Variants in FUT9 observed in about 807,000 individuals in gnomAD.
FUT9 encodes fucosyltransferase 9.
A neutral mutation model predicts 29.7 loss-of-function variants in FUT9; 15 were observed. That is an observed-to-expected ratio of 0.51 (90% CI 0.34 to 0.78). FUT9 has a LOEUF of 0.78. FUT9 is among the 30% of genes least tolerant of loss of function. The pLI, the probability that FUT9 is intolerant of heterozygous loss-of-function variation, is 0.01. For missense variants in FUT9, 319 were observed against 425.4 expected, an observed-to-expected ratio of 0.75 and a Z score of 2.20; for synonymous variants, 169 against 153.7, an observed-to-expected ratio of 1.10 and a Z score of -0.74.
intron 1 of FUT9, chr6:96,020,859 G>C (rs1437961917): frequency 6.6e-6 from 1 of 152,126 alleles, no homozygotes; most frequent in African/African-American, 2.4e-5. Context: ...ATTTGGATGA[G>C]AGGAAAACTA....
chr6:96,131,280 T>A (rs1396274914), intron 2 of FUT9, among the ~76,000 whole-genome samples: 1 of 152,154 alleles, frequency 6.6e-6, no homozygotes, highest in African/African-American at 2.4e-5. Flanking sequence ...AAAATTCAAC[T>A]ATCTAGCATT....
chr6:96,145,432 G>A (rs925467822), intron 2 of FUT9, among the ~76,000 whole-genome samples: 1 of 152,182 alleles, frequency 6.6e-6, no homozygotes, highest in Admixed American at 6.5e-5. Context: ...TTCAGGCACA[G>A]AGGATACAGC....
intron 2 of FUT9, among the ~76,000 whole-genome samples, chr6:96,138,721 T>C (rs1562139182): frequency 6.6e-6 from 1 of 152,194 alleles, no homozygotes; most frequent in Non-Finnish European, 1.5e-5. Flanking sequence ...TTCCTTTCTG[T>C]CTAACTCTTA....
At chr6:96,155,568 G>C (rs1399570977) in intron 2 of FUT9, among the ~76,000 whole-genome samples, 1 of 152,042 alleles carries the variant, frequency 6.6e-6, no homozygotes, top group Non-Finnish European at 1.5e-5. Flanking sequence ...AGCTGCTTGG[G>C]AGGCTGAGGA....
intron 2 of FUT9, among the ~76,000 whole-genome samples, chr6:96,150,673 G>C (rs11752052): frequency 1.3e-5 from 2 of 152,178 alleles, no homozygotes; most frequent in Non-Finnish European, 2.9e-5. Context: ...AGTTGCAGTA[G>C]AGACTAATCC....
At chr6:96,147,920 T>G (rs4361623) in intron 2 of FUT9, among the ~76,000 whole-genome samples, 137,946 of 150,956 alleles carry the variant, frequency 0.91, 64,327 homozygotes, top group Non-Finnish European at 1. Flanking sequence ...ATTTGATATG[T>G]TTCTGCATCA....
chr6:96,041,631 T>G (rs1162448607), intron 1 of FUT9, among the ~76,000 whole-genome samples: 1 of 152,182 alleles, frequency 6.6e-6, no homozygotes, highest in Non-Finnish European at 1.5e-5. Context: ...ATTTAGCTGT[T>G]CTGGACACTA....
At chr6:96,064,945 T>C (rs1770938316) in intron 1 of FUT9, among the ~76,000 whole-genome samples, 1 of 152,192 alleles carries the variant, frequency 6.6e-6, no homozygotes. Flanking sequence ...CATCTCAAAA[T>C]ATGTTCTTAG....
chr6:96,077,961 T>G (rs764206409), intron 1 of FUT9, among the ~76,000 whole-genome samples: 3 of 152,238 alleles, frequency 2.0e-5, no homozygotes, highest in African/African-American at 7.2e-5. Flanking sequence ...TGCTGCACAC[T>G]GTAAGAGTTT....
chr6:96,081,327 C>T (rs991092968), intron 1 of FUT9, among the ~76,000 whole-genome samples: 2 of 151,648 alleles, frequency 1.3e-5, no homozygotes, highest in Non-Finnish European at 3.0e-5. Context: ...AACACACACC[C>T]TTCTTGGATA....
chr6:96,170,504 A>G (rs1773092024), intron 2 of FUT9, among the ~76,000 whole-genome samples: 1 of 151,896 alleles, frequency 6.6e-6, no homozygotes, highest in Non-Finnish European at 1.5e-5. Flanking sequence ...AAGAATAGCC[A>G]ATGAACTAGT....
intron 1 of FUT9, among the ~76,000 whole-genome samples, chr6:96,060,884 C>G (rs1056199324): frequency 5.3e-5 from 8 of 152,036 alleles, no homozygotes; most frequent in African/African-American, 1.9e-4. Context: ...ACATTTACAG[C>G]ATTTAAAGGA....
In FUT9 at chr6:96,207,060, A is replaced by G. The variant is rs1044085633; in HGVS notation, c.*2825A>G. 3.0e-5 allele frequency: 5 copies of G among 167,020 alleles called. No individual in the cohort carries two copies. Among genetic ancestry groups the G allele is most frequent in the African/African-American group, 9.7e-5 (4 of 41,450 alleles). 10.3% of individuals were successfully genotyped at this position (167,020 alleles called of 1,614,324 possible). A position where few individuals can be genotyped will look rare whatever the true frequency, so the allele number is the denominator to read the frequency against. On this transcript the variant is annotated 3_prime_UTR_variant, in exon 3 of 3. Transcript: ENST00000302103. ...TGAAGTGGAAGAATTAAATGACTCAATGGAACCCTTTAGCTGTGGGTCCAT... is the reference window on the plus strand; with the variant it reads ...TGAAGTGGAAGAATTAAATGACTCAGTGGAACCCTTTAGCTGTGGGTCCAT...
intron 2 of FUT9, among the ~76,000 whole-genome samples, chr6:96,116,068 T>A (rs1771905793): frequency 1.3e-5 from 2 of 152,114 alleles, no homozygotes; most frequent in Non-Finnish European, 2.9e-5. Context: ...AAGATTTGTA[T>A]CCATAATATA....
At chr6:96,118,086 TC>T (rs1771945199) in intron 2 of FUT9, among the ~76,000 whole-genome samples, 1 of 151,838 alleles carries the variant, frequency 6.6e-6, no homozygotes, top group African/African-American at 2.4e-5. Flanking sequence ...ACACCTGTAG[TC>T]CCAGCTACTG....
intron 1 of FUT9, among the ~76,000 whole-genome samples, chr6:96,045,166 G>A (rs1156302095): frequency 6.6e-6 from 1 of 152,154 alleles, no homozygotes; most frequent in African/African-American, 2.4e-5. Context: ...TACTGAGGGG[G>A]CAAACCAAGA....
At chr6:96,193,979 C>A (rs1264017487) in intron 2 of FUT9, among the ~76,000 whole-genome samples, 1 of 152,140 alleles carries the variant, frequency 6.6e-6, no homozygotes, top group African/African-American at 2.4e-5. Context: ...TGCATGTTCT[C>A]ACTCATAGGT....
At chr6:96,127,471 T>G (rs1582252155) in intron 2 of FUT9, among the ~76,000 whole-genome samples, 1 of 152,336 alleles carries the variant, frequency 6.6e-6, no homozygotes, top group East Asian at 1.9e-4. Context: ...TCCGTGTCTT[T>G]GGTATTGTGA....
At chr6:96,095,545 G>T (rs917811589) in intron 1 of FUT9, among the ~76,000 whole-genome samples, 5 of 152,176 alleles carry the variant, frequency 3.3e-5, no homozygotes, top group Non-Finnish European at 7.3e-5. Flanking sequence ...GACAAAGTTA[G>T]TCCCTTTTTA....
Sources: allele counts gnomAD v4.1 joint callset (sites outside exome capture counted in the v4.1 genomes callset), GRCh38; gene constraint gnomAD v4.1.1; transcripts MANE v1.5; gene names NCBI Gene and HGNC (gene_info 2026-07-23, HGNC 2026-07-21).